SGMS1: variants seen among roughly 807,000 people sequenced by gnomAD.
SGMS1 encodes the protein phosphatidylcholine:ceramide cholinephosphotransferase 1.
In SGMS1, 13 loss-of-function variants were observed where a neutral mutation model predicts 46.2. That is an observed-to-expected ratio of 0.28 (90% CI 0.18 to 0.45). SGMS1 has a LOEUF of 0.45. Among genes scored for constraint, SGMS1 ranks in the 20% least tolerant of loss-of-function variants. The pLI is 1.00. For missense variants in SGMS1, 324 were observed against 519.9 expected, an observed-to-expected ratio of 0.62 and a Z score of 3.66; for synonymous variants, 203 against 187.8, an observed-to-expected ratio of 1.08 and a Z score of -0.66.
chr10:50,518,947 C>T (rs4935729), intron 3 of SGMS1, among the ~76,000 whole-genome samples: 26,979 of 152,028 alleles, frequency 0.18, 2,670 homozygotes, highest in Admixed American at 0.23. Context: ...AACCCACTAG[C>T]GGGGCAACAA....
intron 5 of SGMS1, among the ~76,000 whole-genome samples, chr10:50,443,139 G>C (rs1038602947): frequency 2.0e-5 from 3 of 152,166 alleles, no homozygotes; most frequent in African/African-American, 7.2e-5. Context: ...CAGCTGGAGA[G>C]AACAAATAAT....
intron 8 of SGMS1, among the ~76,000 whole-genome samples, chr10:50,313,276 C>T (rs1332466941): frequency 6.6e-6 from 1 of 152,114 alleles, no homozygotes; most frequent in Non-Finnish European, 1.5e-5. Context: ...TAAAGCTTTG[C>T]CTTCTACAGC....
chr10:50,325,688 AACCAGAGTAGG>A (rs1332768967), intron 8 of SGMS1, among the ~76,000 whole-genome samples: 1 of 152,238 alleles, frequency 6.6e-6, no homozygotes, highest in Non-Finnish European at 1.5e-5. Context: ...ACAAGTTTAG[AACCAGAGTAGG>A]GAGAAAGGCT....
At chr10:50,490,754 C>CA (rs943991337) in intron 3 of SGMS1, among the ~76,000 whole-genome samples, 3 of 152,060 alleles carry the variant, frequency 2.0e-5, no homozygotes, top group Non-Finnish European at 4.4e-5. Flanking sequence ...ATAAAACAGG[C>CA]AAAAAAATTG....
At chr10:50,341,740 G>A (rs1847824581) in intron 7 of SGMS1, among the ~76,000 whole-genome samples, 1 of 151,846 alleles carries the variant, frequency 6.6e-6, no homozygotes, top group South Asian at 2.1e-4. Context: ...CTTGCTTTGA[G>A]CAATTTAAAT....
intron 1 of SGMS1, among the ~76,000 whole-genome samples, chr10:50,609,393 T>C (rs1270118380): frequency 6.6e-6 from 1 of 152,190 alleles, no homozygotes; most frequent in Admixed American, 6.5e-5. Context: ...ACAGAGTCAG[T>C]ATGACCTGAC....
chr10:50,366,318 T>C (rs1424057849), intron 6 of SGMS1, among the ~76,000 whole-genome samples: 3 of 152,208 alleles, frequency 2.0e-5, no homozygotes. Flanking sequence ...CTGGAGAGGT[T>C]GTGGAAAAAT....
At chr10:50,354,614 T>G (rs1848102268) in intron 6 of SGMS1, among the ~76,000 whole-genome samples, 1 of 151,940 alleles carries the variant, frequency 6.6e-6, no homozygotes, top group Non-Finnish European at 1.5e-5. Context: ...ACTAAAGAGC[T>G]TCTGCACAGC....
chr10:50,389,447 C>T (rs574009624), intron 6 of SGMS1, among the ~76,000 whole-genome samples: 2 of 152,286 alleles, frequency 1.3e-5, no homozygotes, highest in African/African-American at 4.8e-5. Context: ...ATGTGAAAGT[C>T]GCAGGTTCTA....
At chr10:50,577,479 G>T (rs746545915) in intron 2 of SGMS1, among the ~76,000 whole-genome samples, 3 of 152,150 alleles carry the variant, frequency 2.0e-5, no homozygotes, top group Non-Finnish European at 4.4e-5. Context: ...TAACGTGCAA[G>T]AATTCGTAAT....
intron 3 of SGMS1, among the ~76,000 whole-genome samples, chr10:50,506,834 T>C (rs1016106102): frequency 6.6e-5 from 10 of 152,202 alleles, no homozygotes; most frequent in African/African-American, 1.7e-4. Flanking sequence ...GGTACCCTGC[T>C]AGGTGCTTCA....
rs530803705 is a variant in SGMS1, at chr10:50,469,604, T to C, written c.-497-2672A>G. On this transcript the variant is annotated intron_variant, in intron 3 of 10. Transcript: ENST00000361781. ...CTTAAAAGGCTGTGGCTCTAAACTT[T>C]CAATTTAGGATGGAGCAAAGTACGG... Among the ~76,000 whole-genome samples, 6 of 152,278 alleles carry C rather than the reference T, an allele frequency of 3.9e-5. No individual in the cohort carries two copies. In the East Asian group the frequency reaches 9.6e-4, roughly 24 times the overall value.
intron 8 of SGMS1, among the ~76,000 whole-genome samples, chr10:50,319,858 ATC>A (rs1259989585): frequency 1.3e-5 from 2 of 152,276 alleles, no homozygotes; most frequent in African/African-American, 4.8e-5. Context: ...TTAATAAGCA[ATC>A]TGTTATTTTT....
At chr10:50,549,275 T>C (rs1206996125) in intron 2 of SGMS1, among the ~76,000 whole-genome samples, 2 of 152,068 alleles carry the variant, frequency 1.3e-5, no homozygotes, top group South Asian at 2.1e-4. Flanking sequence ...TTCATAATAG[T>C]AGAGACACGA....
At chr10:50,493,737 G>C (rs1226029540) in intron 3 of SGMS1, among the ~76,000 whole-genome samples, 1 of 151,850 alleles carries the variant, frequency 6.6e-6, no homozygotes, top group Non-Finnish European at 1.5e-5. Flanking sequence ...CTGATCATTA[G>C]AGAAGTGCAC....
At chr10:50,390,267 A>C (rs1324321808) in intron 6 of SGMS1, among the ~76,000 whole-genome samples, 1 of 152,246 alleles carries the variant, frequency 6.6e-6, no homozygotes, top group Non-Finnish European at 1.5e-5. Flanking sequence ...ACATTTGAGC[A>C]GGAAATCAAT....
chr10:50,377,684 T>C (rs1256307914), intron 6 of SGMS1, among the ~76,000 whole-genome samples: 2 of 152,054 alleles, frequency 1.3e-5, no homozygotes, highest in Non-Finnish European at 2.9e-5. Flanking sequence ...AACCACAAAC[T>C]GGGGGGCTTT....
intron 8 of SGMS1, among the ~76,000 whole-genome samples, chr10:50,313,129 A>G (rs1847283343): frequency 6.6e-6 from 1 of 152,260 alleles, no homozygotes; most frequent in Admixed American, 6.5e-5. Context: ...CAGAACTGTA[A>G]TAATGTAAGC....
At chr10:50,323,851 G>A (rs1255027353) in intron 8 of SGMS1, among the ~76,000 whole-genome samples, 1 of 152,184 alleles carries the variant, frequency 6.6e-6, no homozygotes, top group Non-Finnish European at 1.5e-5. Flanking sequence ...CTTAGGGCCA[G>A]TAGCTTAGCT....
Sources: allele counts gnomAD v4.1 joint callset (sites outside exome capture counted in the v4.1 genomes callset), GRCh38; gene constraint gnomAD v4.1.1; transcripts MANE v1.5; gene names NCBI Gene and HGNC (gene_info 2026-07-23, HGNC 2026-07-21).